Variants in EML1 observed in about 807,000 individuals in gnomAD.
EML1 encodes echinoderm microtubule-associated protein-like 1.
In EML1, 27 loss-of-function variants were observed where a neutral mutation model predicts 110.4. The ratio of observed to expected loss-of-function variants is 0.24; its 90% CI spans 0.18 to 0.34. EML1 has a LOEUF of 0.34. Ranked by LOEUF, EML1 falls within the 10% of genes least tolerant of loss-of-function variation. EML1 has a pLI of 1.00. For missense variants in EML1, 741 were observed against 1,030.9 expected (o/e 0.72, Z 3.85); for synonymous variants, 344 against 385.8 (o/e 0.89, Z 1.27).
At chr14:99,870,216 G>A (rs1566908529) in intron 3 of EML1, among the ~76,000 whole-genome samples, 1 of 152,218 alleles carries the variant, frequency 6.6e-6, no homozygotes, top group Non-Finnish European at 1.5e-5. Flanking sequence ...GATCATACGA[G>A]GCACAACATT....
chr14:99,888,080 A>C (rs78933332), intron 4 of EML1, among the ~76,000 whole-genome samples: 72 of 152,372 alleles, frequency 4.7e-4, no homozygotes, highest in South Asian at 2.9e-3. Flanking sequence ...TAGCAGTAGT[A>C]TATTTTCTAA....
chr14:99,895,564 A>G (rs2059658438), intron 6 of EML1, among the ~76,000 whole-genome samples: 2 of 152,202 alleles, frequency 1.3e-5, no homozygotes, highest in African/African-American at 2.4e-5. Context: ...TTAAACCCAA[A>G]GAAAGAGGGG....
intron 1 of EML1, among the ~76,000 whole-genome samples, chr14:99,841,283 G>A (rs2058628398): frequency 6.6e-6 from 1 of 152,230 alleles, no homozygotes; most frequent in South Asian, 2.1e-4. Flanking sequence ...TGATTTCACT[G>A]AAGATCAATG....
intron 2 of EML1, among the ~76,000 whole-genome samples, chr14:99,860,169 T>A (rs1354776189): frequency 6.6e-6 from 1 of 152,226 alleles, no homozygotes; most frequent in East Asian, 1.9e-4. Flanking sequence ...TTCCACCGGA[T>A]GCGTTCCAAA....
At chr14:99,875,202 G>A (rs2059269799) in intron 3 of EML1, among the ~76,000 whole-genome samples, 1 of 152,058 alleles carries the variant, frequency 6.6e-6, no homozygotes, top group African/African-American at 2.4e-5. Flanking sequence ...AATTGCAGAT[G>A]GTGTTAATTA....
At chr14:99,859,793 T>C (rs897235468) in intron 2 of EML1, among the ~76,000 whole-genome samples, 2 of 152,216 alleles carry the variant, frequency 1.3e-5, no homozygotes, top group Admixed American at 1.3e-4. Context: ...CTGCCTCTGG[T>C]ACCACTTGAC....
chr14:99,837,973 A>G (rs893292706), intron 1 of EML1, among the ~76,000 whole-genome samples: 8 of 151,800 alleles, frequency 5.3e-5, no homozygotes, highest in African/African-American at 1.9e-4. Context: ...CTAATTTTTT[A>G]AATCTTTTGT....
intron 1 of EML1, among the ~76,000 whole-genome samples, chr14:99,805,900 T>C (rs2057964120): frequency 6.6e-6 from 1 of 152,186 alleles, no homozygotes; most frequent in South Asian, 2.1e-4. Context: ...TGTGCAGCCA[T>C]CACTGCCATC....
chr14:99,741,055 G>A lies in EML1; in HGVS notation c.28+3195G>A, dbSNP rs58815014. On this transcript the variant is annotated intron_variant, in intron 1 of 10. Transcript: ENST00000554479. Reference sequence around the variant, plus strand: ...AGCAGGCTGTTCTGTTTTCAGCAGAGCAATGAATGCAGGTCCATCAGAGAC... The same window carrying A: ...AGCAGGCTGTTCTGTTTTCAGCAGAACAATGAATGCAGGTCCATCAGAGAC... Among the ~76,000 whole-genome samples, 1,137 of 152,324 alleles carry A rather than the reference G, an allele frequency of 7.5e-3. 22 individuals are homozygous for A. Among genetic ancestry groups the A allele is most frequent in the African/African-American group, 0.026 (1,092 of 41,570 alleles).
upstream of EML1, among the ~76,000 whole-genome samples, chr14:99,791,495 T>C (rs752852507): frequency 2.0e-5 from 3 of 152,248 alleles, no homozygotes; most frequent in Non-Finnish European, 4.4e-5. Flanking sequence ...AGACTTCATC[T>C]ACAACCCCTT....
chr14:99,768,250 G>A (rs1259923047), upstream of EML1, among the ~76,000 whole-genome samples: 1 of 152,218 alleles, frequency 6.6e-6, no homozygotes, highest in African/African-American at 2.4e-5. Flanking sequence ...CACGTGCTAA[G>A]TGAAATTCTC....
chr14:99,935,781 CAAAAAAAAA>C (rs1160100015), intron 17 of EML1, among the ~76,000 whole-genome samples: 11 of 83,730 alleles, frequency 1.3e-4, no homozygotes, highest in African/African-American at 4.4e-4. Context: ...GACTCCGTCT[CAAAAAAAAA>C]AAAAAAAAAA....
At chr14:99,911,658 T>C (rs2059948775) in intron 13 of EML1, 82 bp downstream of exon 13, 1 of 1,480,504 alleles carries the variant, frequency 6.8e-7, no homozygotes, top group Admixed American at 2.7e-5. Flanking sequence ...ATCTGTATCT[T>C]ACAGTTTTGA....
chr14:99,898,403 A>T, intron 8 of EML1, 101 bp downstream of exon 8: 1 of 1,162,670 alleles, frequency 8.6e-7, no homozygotes, highest in South Asian at 1.7e-5. Flanking sequence ...AGATATAATT[A>T]TGGTATCTGA....
At chr14:99,829,072 C>T (rs2058407150) in intron 1 of EML1, among the ~76,000 whole-genome samples, 1 of 152,194 alleles carries the variant, frequency 6.6e-6, no homozygotes, top group South Asian at 2.1e-4. Flanking sequence ...GTGCTGTCCA[C>T]AGTTCCAGGA....
At chr14:99,835,513 G>C (rs2058525463) in intron 1 of EML1, among the ~76,000 whole-genome samples, 1 of 151,998 alleles carries the variant, frequency 6.6e-6, no homozygotes, top group South Asian at 2.1e-4. Flanking sequence ...TTGGGTTCCT[G>C]AAGGTTTGGT....
chr14:99,836,481 C>G (rs1238671559), intron 1 of EML1, among the ~76,000 whole-genome samples: 1 of 152,090 alleles, frequency 6.6e-6, no homozygotes, highest in African/African-American at 2.4e-5. Flanking sequence ...TTCTTCCTTC[C>G]CAGTCTGTAT....
rs937868738 is a variant in EML1 at position 99,923,934 on chromosome 14, G to A, written c.1909+3057G>A. Among the ~76,000 whole-genome samples, 83 of 152,198 alleles carry A rather than the reference G, an allele frequency of 5.5e-4. 1 individual carries two copies. The highest frequency in any genetic ancestry group is 2.0e-3 in the African/African-American group (81 of 41,456). On this transcript the variant is annotated intron_variant, in intron 17 of 21. Coordinates refer to ENST00000262233, the MANE Select transcript of EML1 (RefSeq NM_004434.3). ...CTCCCAAAGTGTTGGGATTACAGGT[G>A]TGAGGCACCACACTAGGCCAGCTCG...
chr14:99,929,974 G>T (rs1423160429), intron 17 of EML1, among the ~76,000 whole-genome samples: 1 of 152,146 alleles, frequency 6.6e-6, no homozygotes, highest in Non-Finnish European at 1.5e-5. Context: ...GGTGGAGCTG[G>T]CCCTCCTGGG....
Sources: gnomAD v4.1 joint callset for allele counts (sites outside exome capture counted in the v4.1 genomes callset) on GRCh38, gnomAD v4.1.1 for gene constraint, MANE v1.5 for transcripts, NCBI Gene and HGNC (gene_info 2026-07-23, HGNC 2026-07-21) for gene names.